SULF2: variants seen among roughly 807,000 people sequenced by gnomAD.
The protein encoded by SULF2 is sulfatase 2.
In SULF2, 52 loss-of-function variants were observed where a neutral mutation model predicts 107.7. That is an observed-to-expected ratio of 0.48 (90% confidence interval 0.39 to 0.61). SULF2 has a LOEUF of 0.61. SULF2 is among the 20% of genes least tolerant of loss of function. SULF2 has a pLI of 0.00. For missense variants in SULF2, 993 were observed against 1,177.3 expected (o/e 0.84, Z 2.29); for synonymous variants, 460 against 464.3 (o/e 0.99, Z 0.12).
At chr20:47,665,406 A>C (rs1042173214) in intron 13 of SULF2, 113 bp from the exon 14 acceptor site, 1 of 779,192 alleles carries the variant, frequency 1.3e-6, no homozygotes, top group Non-Finnish European at 2.3e-6. Context: ...GGCAGCCTGC[A>C]CTCCCCGGGC....
chr20:47,675,698 C>G (rs922740217), intron 10 of SULF2, among the ~76,000 whole-genome samples: 1 of 152,124 alleles, frequency 6.6e-6, no homozygotes, highest in African/African-American at 2.4e-5. Flanking sequence ...CTCCGGCACC[C>G]CTTGGGCCAG....
Position 47,753,576 on chromosome 20 carries a change from C to T in SULF2, c.175+3613G>A, listed in dbSNP as rs1025944744. 3.9e-5 allele frequency among the ~76,000 whole-genome samples: 6 copies of T among 152,350 alleles called. No individual in the cohort carries two copies. The South Asian group carries it at 6.2e-4, about 16-fold the overall frequency. On this transcript the variant is annotated intron_variant, in intron 2 of 20. Transcript: ENST00000688720. ...GTTTGGTTTTACAGTGATCCTTTGC[C>T]GAAGGCAATGGGTATTGGTTTTTTC...
At chr20:47,677,388 C>T (rs2087680118) in intron 8 of SULF2, among the ~76,000 whole-genome samples, 1 of 149,098 alleles carries the variant, frequency 6.7e-6, no homozygotes, top group Non-Finnish European at 1.5e-5. Flanking sequence ...ACTGTAAGTC[C>T]CACCCAAGTA....
chr20:47,747,578 A>G (rs1381951058), intron 2 of SULF2, among the ~76,000 whole-genome samples: 1 of 152,184 alleles, frequency 6.6e-6, no homozygotes, highest in South Asian at 2.1e-4. Flanking sequence ...TCAAAATGCT[A>G]CAATCACCAT....
chr20:47,782,621 GCT>G (rs2090852809), intron 1 of SULF2, among the ~76,000 whole-genome samples: 1 of 152,154 alleles, frequency 6.6e-6, no homozygotes, highest in Admixed American at 6.5e-5. Flanking sequence ...GAGAGCTTTT[GCT>G]CTCTGGCCAC....
chr20:47,700,882 G>A (rs1383821959), intron 4 of SULF2, among the ~76,000 whole-genome samples: 1 of 152,090 alleles, frequency 6.6e-6, no homozygotes, highest in East Asian at 1.9e-4. Context: ...CTGACCTAAA[G>A]TGATCCACCC....
chr20:47,659,567 TC>T lies in SULF2; in HGVS notation c.2529-116del. On this transcript the variant is annotated intron_variant, in intron 19 of 20. Coordinates refer to ENST00000688720, the MANE Select transcript of SULF2 (RefSeq NM_001387048.1). ...GGTGACACCTATCTTTGGTGGGTGA[TC>T]CTGGTCTCGGGCAGACCAGAGGGAA... is the stretch of plus-strand genomic sequence containing the variant. 4 of 1,381,670 alleles carry T rather than the reference TC, an allele frequency of 2.9e-6. No homozygotes were observed. The South Asian group carries it at 4.7e-5, about 16-fold the overall frequency. 85.6% of individuals were successfully genotyped at this position (1,381,670 alleles called of 1,614,324 possible).
At position 47,663,156 on chromosome 20, in the gene SULF2, T is replaced by C. The variant is rs760133803; in HGVS notation, c.2284A>G (p.Thr762Ala). 1.2e-6 allele frequency: 2 copies of C among 1,614,050 alleles called. No individual in the cohort carries two copies. The highest frequency in any genetic ancestry group is 2.7e-5 in the African/African-American group (2 of 74,924). Residue 762 changes from threonine to alanine, a missense_variant, in exon 17 of 21, where the codon ACC (threonine) becomes GCC (alanine). Physicochemically the swap from Thr to Ala is moderately conservative, Grantham distance 58 (BLOSUM62 0). Coordinates refer to ENST00000688720, the MANE Select transcript of SULF2 (RefSeq NM_001387048.1). ...ANNNTYWCMR[T>A]INETHNFLFC... ...AGGAAATTGTGAGTCTCATTGATGG[T>C]CCTCATGCACCAGTACGTGTTATTG...
At chr20:47,767,223 G>A (rs2090544793) in intron 1 of SULF2, among the ~76,000 whole-genome samples, 1 of 152,226 alleles carries the variant, frequency 6.6e-6, no homozygotes, top group Non-Finnish European at 1.5e-5. Flanking sequence ...CAGAGTGGAT[G>A]GTTTAACATG....
chr20:47,661,098 T>C (rs1457191725), intron 18 of SULF2, among the ~76,000 whole-genome samples: 3 of 151,990 alleles, frequency 2.0e-5, no homozygotes, highest in Non-Finnish European at 2.9e-5. Context: ...ACAAATGAAA[T>C]CTAAACTCTA....
rs115749036 is a variant in SULF2, at chr20:47,765,390, G to A, written c.-100-7927C>T. Among the ~76,000 whole-genome samples, 627 of 151,140 alleles carry A rather than the reference G, an allele frequency of 4.1e-3. 5 individuals carry two copies. The highest frequency in any genetic ancestry group is 0.014 in the African/African-American group (579 of 41,232). ...ACAAAACAAAAAAAAAAAAACAGGA[G>A]AGAGAAGTTTGGTAATAATTAGGCA... On this transcript the variant is annotated intron_variant, in intron 1 of 20. Coordinates refer to ENST00000688720, the MANE Select transcript of SULF2 (RefSeq NM_001387048.1).
At chr20:47,669,127 T>A (rs2146427727) in intron 11 of SULF2, among the ~76,000 whole-genome samples, 1 of 152,220 alleles carries the variant, frequency 6.6e-6, no homozygotes, top group East Asian at 1.9e-4. Flanking sequence ...ATCCATGAGG[T>A]CCAAGTCCGT....
At chr20:47,663,307 T>C in intron 16 of SULF2, 95 bp from the exon 17 acceptor site, 1 of 1,586,330 alleles carries the variant, frequency 6.3e-7, no homozygotes, top group Non-Finnish European at 8.6e-7. Context: ...TAAAACCAGT[T>C]CGTCAAATGC....
chr20:47,662,042 G>A (rs2087094178), intron 17 of SULF2, 146 bp from the exon 18 acceptor site: 14 of 826,574 alleles, frequency 1.7e-5, no homozygotes, highest in Non-Finnish European at 2.4e-5. Context: ...TTCTGCAAGA[G>A]CCAGCGTTTG....
At chr20:47,717,850 G>C (rs1193520248) in intron 3 of SULF2, among the ~76,000 whole-genome samples, 1 of 141,970 alleles carries the variant, frequency 7.0e-6, no homozygotes, top group Non-Finnish European at 1.5e-5. Context: ...GTCTCGCTCT[G>C]TCACCCAGGC....
chr20:47,706,126 C>A (rs1293918445), intron 3 of SULF2, among the ~76,000 whole-genome samples: 1 of 152,074 alleles, frequency 6.6e-6, no homozygotes, highest in East Asian at 1.9e-4. Context: ...TTAAATAAAC[C>A]TGCCTATGGT....
chr20:47,699,993 C>T (rs1364178465), intron 4 of SULF2, among the ~76,000 whole-genome samples: 1 of 152,124 alleles, frequency 6.6e-6, no homozygotes, highest in Non-Finnish European at 1.5e-5. Flanking sequence ...GGGCCCAGGA[C>T]TGGTGGCAGT....
chr20:47,684,673 C>G, intron 5 of SULF2, 92 bp from the exon 6 acceptor site: 2 of 1,374,632 alleles, frequency 1.5e-6, no homozygotes, highest in Non-Finnish European at 2.0e-6. Context: ...AGCAGCCACC[C>G]TGTGCTGTGT....
intron 11 of SULF2, among the ~76,000 whole-genome samples, chr20:47,667,964 C>T (rs1279011419): frequency 6.6e-6 from 1 of 152,232 alleles, no homozygotes. Flanking sequence ...TCCTGAGGGG[C>T]CGGGAAAGGC....
Sources: gnomAD v4.1 joint callset for allele counts (sites outside exome capture counted in the v4.1 genomes callset) on GRCh38, gnomAD v4.1.1 for gene constraint, MANE v1.5 for transcripts, NCBI Gene and HGNC (gene_info 2026-07-23, HGNC 2026-07-21) for gene names.